Variants in NDRG4 observed in about 807,000 individuals in gnomAD.
The protein encoded by NDRG4 is NDRG family member 4, also known as protein NDRG4.
In NDRG4, 38 loss-of-function variants were observed where a neutral mutation model predicts 55.8. The ratio of observed to expected loss-of-function variants is 0.68; its 90% CI spans 0.53 to 0.89. The LOEUF is 0.89. Among genes scored for constraint, NDRG4 ranks in the 40% least tolerant of loss-of-function variants. The probability of loss-of-function intolerance (pLI) is 0.00; values close to 1 mark genes in which losing one functional copy is unlikely to be tolerated. For synonymous variants in NDRG4, 190 were observed against 182.7 expected, an observed-to-expected ratio of 1.04 and a Z score of -0.32; for missense variants, 455 against 468.6, an observed-to-expected ratio of 0.97 and a Z score of 0.27.
chr16:58,503,670 GAGAAC>G (rs1488502480), intron 1 of NDRG4, 123 bp from the exon 2 acceptor site: 1 of 1,538,234 alleles, frequency 6.5e-7, no homozygotes, highest in East Asian at 2.4e-5. Context: ...TTGGGGTGAT[GAGAAC>G]AGGATGCCCC....
chr16:58,505,115 C>G (rs1435729850), intron 5 of NDRG4, among the ~76,000 whole-genome samples: 1 of 152,028 alleles, frequency 6.6e-6, no homozygotes, highest in Non-Finnish European at 1.5e-5. Context: ...TTTGGGAGGC[C>G]AAGGTGGGCA....
chr16:58,509,650 G>A (rs1353023954), intron 13 of NDRG4, among the ~76,000 whole-genome samples: 1 of 152,210 alleles, frequency 6.6e-6, no homozygotes, highest in African/African-American at 2.4e-5. Flanking sequence ...CTTCCGTGCT[G>A]GGGGTCCAGG....
intron 1 of NDRG4, among the ~76,000 whole-genome samples, chr16:58,482,286 C>T (rs1050807525): frequency 5.3e-5 from 8 of 152,186 alleles, no homozygotes; most frequent in African/African-American, 1.9e-4. Context: ...TGTGGGTCCC[C>T]TTCACCCCTG....
upstream of NDRG4, among the ~76,000 whole-genome samples, chr16:58,497,785 C>T (rs1007791304): frequency 3.3e-5 from 5 of 152,118 alleles, no homozygotes; most frequent in African/African-American, 7.2e-5. Context: ...AGAAAAAGGG[C>T]CAACAATTTG....
chr16:58,465,030 G>A (rs2031294677), intron 1 of NDRG4: 5 of 1,254,718 alleles, frequency 4.0e-6, no homozygotes, highest in Non-Finnish European at 4.1e-6. Flanking sequence ...ACATCCAGGG[G>A]GCAGTGGCTG....
chr16:58,500,500 G>T (rs1339117939), intron 1 of NDRG4: 3 of 564,820 alleles, frequency 5.3e-6, no homozygotes, highest in Non-Finnish European at 9.2e-6. Context: ...GCAGGGGCTG[G>T]GGGGAGCGTG....
chr16:58,464,713 G>C lies in NDRG4; in HGVS notation c.-24+916G>C. 2.4e-6 allele frequency: 3 copies of C among 1,244,568 alleles called. No individual in the cohort carries two copies. The highest frequency in any genetic ancestry group is 2.0e-6 in the Non-Finnish European group (2 of 984,872). 77.1% of individuals were successfully genotyped at this position (1,244,568 alleles called of 1,614,324 possible). On this transcript the variant is annotated intron_variant, in intron 1 of 15. Coordinates refer to the NDRG4 transcript ENST00000258187. The surrounding 1 kb of genome is among the most constrained non-coding windows in gnomAD (Gnocchi z 4.8). ...ACCGGTCAGGGGGTGGCCCCATGGG[G>C]TCTCTGACCAGCGGAGCTCGGATTA... is the stretch of plus-strand genomic sequence containing the variant.
At position 58,511,532 on chromosome 16, in the gene NDRG4, G is replaced by A. The variant is rs918762728; in HGVS notation, c.1015G>A (p.Glu339Lys). The change falls in exon 15 of 15, where the codon GAG (glutamate) becomes AAG (lysine). Residue 339 changes from glutamate (E) to lysine (K), a missense_variant. Transcript: ENST00000570248. ...GGCCTGCACCCACTCAGAGAGCAGC[G>A]AGGGGCTGGGCCAGGTCAACCACAC... ...PQACTHSESS[E>K]GLGQVNHTME... 10 of 1,612,924 alleles carry A rather than the reference G, an allele frequency of 6.2e-6. No homozygotes were observed. The highest frequency in any genetic ancestry group is 1.6e-4 in the Middle Eastern group (1 of 6,082).
intron 1 of NDRG4, among the ~76,000 whole-genome samples, chr16:58,473,588 C>G (rs1008898676): frequency 3.3e-5 from 5 of 152,188 alleles, no homozygotes; most frequent in African/African-American, 9.6e-5. Context: ...AATGATAGCT[C>G]TATCCTTCCA....
chr16:58,487,366 A>C (rs1331343170), intron 1 of NDRG4, among the ~76,000 whole-genome samples: 2 of 152,068 alleles, frequency 1.3e-5, no homozygotes, highest in African/African-American at 4.8e-5. Context: ...ACTAAAAAAC[A>C]CAAAAATTAG....
At chr16:58,505,251 A>G (rs2037741670) in intron 5 of NDRG4, among the ~76,000 whole-genome samples, 1 of 151,986 alleles carries the variant, frequency 6.6e-6, no homozygotes, top group South Asian at 2.1e-4. Flanking sequence ...CGGGAGGCTG[A>G]GGCAGGAGAA....
chr16:58,482,816 T>C (rs914545674), intron 1 of NDRG4, among the ~76,000 whole-genome samples: 2 of 151,024 alleles, frequency 1.3e-5, no homozygotes, highest in Non-Finnish European at 3.0e-5. Context: ...CTTTCTTTCT[T>C]TTGACAGAGT....
rs1382768945 is a variant in NDRG4, at chr16:58,464,309, T to TGCCGCTTCGCTCC, written c.-24+515_-24+527dup. 1.2e-6 allele frequency: 1 copy of TGCCGCTTCGCTCC among 832,548 alleles called. No individual in the cohort carries two copies. The highest frequency in any genetic ancestry group is 4.3e-5 in the Admixed American group (1 of 23,072). The allele number at this position is 832,548 out of a possible 1,614,324, so 51.6% of individuals were successfully genotyped here. On this transcript the variant is annotated intron_variant, in intron 1 of 15. Transcript: ENST00000258187. This position sits in a 1 kb window ranked among gnomAD's most constrained non-coding sequence, Gnocchi z 4.8. ...AGCGCTCCTGGCTGTGAGCTGCTCC[T>TGCCGCTTCGCTCC]GCCGCTTCGCTCCGCGCTCTCCTGC...
At chr16:58,496,120 T>C (rs2036373521), upstream of NDRG4, among the ~76,000 whole-genome samples, 1 of 152,086 alleles carries the variant, frequency 6.6e-6, no homozygotes, top group African/African-American at 2.4e-5. Context: ...GGTCCCACAG[T>C]GTGGGAGGCC....
intron 1 of NDRG4, among the ~76,000 whole-genome samples, chr16:58,474,608 A>C (rs369768521): frequency 4.6e-5 from 7 of 151,942 alleles, no homozygotes; most frequent in African/African-American, 1.7e-4. Context: ...GAATTTACTT[A>C]GGTTTGTTGA....
At position 58,504,501 on chromosome 16, in the gene NDRG4, C is replaced by A; in HGVS notation, c.311+80C>A. ...AGAGCCACCTGGCTCCAGCTGAGGG[C>A]TTCAGGCTATGGGCAGGGCCTGCTC... is the stretch of plus-strand genomic sequence containing the variant. On this transcript the variant is annotated intron_variant, in intron 4 of 14. Coordinates refer to ENST00000570248, the MANE Select transcript of NDRG4 (RefSeq NM_001242835.2). 2.5e-6 allele frequency: 4 copies of A among 1,611,266 alleles called. No individual in the cohort carries two copies. In the South Asian group the frequency reaches 4.4e-5, roughly 18 times the overall value.
downstream of NDRG4, among the ~76,000 whole-genome samples, chr16:58,514,458 C>T (rs2039055731): frequency 7.2e-6 from 1 of 138,568 alleles, no homozygotes; most frequent in South Asian, 3.6e-4. Flanking sequence ...CAGACCAGGC[C>T]GCGCGCGGTG....
Position 58,464,629 on chromosome 16 carries a change from C to A in NDRG4, c.-24+832C>A. ...ACCTGTTTGTGTGCGGAGCCCAGCCCCGGGAGAGGACTTGAGGTTGTGGCG... is the reference window on the plus strand; with the variant it reads ...ACCTGTTTGTGTGCGGAGCCCAGCCACGGGAGAGGACTTGAGGTTGTGGCG... On this transcript the variant is annotated intron_variant, in intron 1 of 15. Coordinates refer to the NDRG4 transcript ENST00000258187. This position sits in a 1 kb window ranked among gnomAD's most constrained non-coding sequence, Gnocchi z 4.8. 1 of 931,920 alleles carries A rather than the reference C, an allele frequency of 1.1e-6. No homozygotes were observed. Among genetic ancestry groups the A allele is most frequent in the Non-Finnish European group, 1.4e-6 (1 of 700,940 alleles). The allele number at this position is 931,920 out of a possible 1,614,324, so 57.7% of individuals were successfully genotyped here. A position where few individuals can be genotyped will look rare whatever the true frequency, so the allele number is the denominator to read the frequency against.
chr16:58,507,246 G>C (rs1225041631), intron 8 of NDRG4: 2 of 555,250 alleles, frequency 3.6e-6, no homozygotes, highest in East Asian at 5.9e-5. Context: ...CTCCTCCCCT[G>C]GGGGCTTCCC....
Sources: gnomAD v4.1 joint callset for allele counts (sites outside exome capture counted in the v4.1 genomes callset) on GRCh38, gnomAD v4.1.1 for gene constraint, Gnocchi (gnomAD v3.1) non-coding constraint, MANE v1.5 for transcripts, NCBI Gene and HGNC (gene_info 2026-07-23, HGNC 2026-07-21) for gene names.